The following GRID2 variants were observed in gnomAD, a reference collection of about 807,000 sequenced individuals.
GRID2 encodes the protein glutamate ionotropic receptor delta type subunit 2.
Under a neutral mutation model 114.8 loss-of-function variants are expected in GRID2, and 33 were observed. The ratio of observed to expected loss-of-function variants is 0.29; its 90% confidence interval spans 0.22 to 0.38. The LOEUF (loss-of-function observed/expected upper bound fraction) is 0.38. GRID2 is among the 10% of genes least tolerant of loss of function. The pLI is 1.00. For missense variants in GRID2, 1,184 were observed against 1,257.7 expected (o/e 0.94, Z 0.89); for synonymous variants, 505 against 449.9 (o/e 1.12, Z -1.55).
chr4:92,550,331 G>A (rs1003380645), intron 1 of GRID2, among the ~76,000 whole-genome samples: 12 of 152,028 alleles, frequency 7.9e-5, no homozygotes, highest in Non-Finnish European at 1.6e-4. Flanking sequence ...ATCTACAAAA[G>A]GAAAATGTTG....
At chr4:93,083,308 CTT>C (rs1183750281) in intron 2 of GRID2, among the ~76,000 whole-genome samples, 11 of 152,006 alleles carry the variant, frequency 7.2e-5, no homozygotes, top group East Asian at 1.9e-4. Context: ...TAAGTATACA[CTT>C]ATATTATTTT....
chr4:93,045,035 C>T (rs1725994169), intron 2 of GRID2, among the ~76,000 whole-genome samples: 1 of 152,046 alleles, frequency 6.6e-6, no homozygotes, highest in African/African-American at 2.4e-5. Context: ...ATCTAGCTCC[C>T]TGTGTTATAT....
chr4:93,377,440 A>C (rs1000537777), intron 8 of GRID2, among the ~76,000 whole-genome samples: 2 of 152,120 alleles, frequency 1.3e-5, no homozygotes, highest in Non-Finnish European at 2.9e-5. Context: ...TGAGGTTAGG[A>C]GAGCAGGCTC....
At chr4:92,342,583 G>A (rs1390907585) in intron 1 of GRID2, among the ~76,000 whole-genome samples, 1 of 152,154 alleles carries the variant, frequency 6.6e-6, no homozygotes, top group Admixed American at 6.6e-5. Flanking sequence ...TCAATAGAAA[G>A]GTGTTCTTGG....
chr4:92,588,130 A>G (rs1728537746), intron 1 of GRID2, among the ~76,000 whole-genome samples: 1 of 152,164 alleles, frequency 6.6e-6, no homozygotes, highest in Non-Finnish European at 1.5e-5. Context: ...GTAATGATTA[A>G]TCTAGATCTA....
At chr4:92,991,659 G>C (rs979534502) in intron 2 of GRID2, among the ~76,000 whole-genome samples, 2 of 152,138 alleles carry the variant, frequency 1.3e-5, no homozygotes, top group African/African-American at 4.8e-5. Flanking sequence ...CTACACATTT[G>C]TAGATCTGAG....
intron 13 of GRID2, among the ~76,000 whole-genome samples, chr4:93,542,771 A>G (rs970975393): frequency 6.6e-6 from 1 of 152,160 alleles, no homozygotes; most frequent in Non-Finnish European, 1.5e-5. Context: ...TTAGGGATGC[A>G]GAAAGACCTT....
rs1453576346 is a variant in GRID2, at chr4:92,894,652, T to G, written c.245-190343T>G. 5.3e-5 allele frequency among the ~76,000 whole-genome samples: 8 copies of G among 152,216 alleles called. No individual in the cohort carries two copies. The East Asian group carries it at 1.5e-3, about 29-fold the overall frequency. On this transcript the variant is annotated intron_variant, in intron 2 of 15. Transcript: ENST00000282020. ...TTGCTCAGACTTCATGATGAGTACT[T>G]AATTATGGGGAACACGTTTAAAAGA...
chr4:93,574,269 G>A (rs890053934), intron 13 of GRID2, among the ~76,000 whole-genome samples: 1 of 152,096 alleles, frequency 6.6e-6, no homozygotes, highest in African/African-American at 2.4e-5. Flanking sequence ...ACACATGCCA[G>A]AAAGCCTGTG....
chr4:92,994,110 A>G (rs905215128), intron 2 of GRID2, among the ~76,000 whole-genome samples: 4 of 152,164 alleles, frequency 2.6e-5, no homozygotes, highest in Non-Finnish European at 4.4e-5. Context: ...TTTGAAGGAC[A>G]TGGAAACCAA....
chr4:92,535,209 A>G (rs1397166716), intron 1 of GRID2, among the ~76,000 whole-genome samples: 2 of 152,196 alleles, frequency 1.3e-5, no homozygotes, highest in South Asian at 2.1e-4. Flanking sequence ...TTAAGAATCT[A>G]TATCTACAAT....
At chr4:92,313,552 A>G (rs749429570) in intron 1 of GRID2, among the ~76,000 whole-genome samples, 4 of 152,116 alleles carry the variant, frequency 2.6e-5, no homozygotes, top group Non-Finnish European at 5.9e-5. Flanking sequence ...GAGAGAGAAG[A>G]GTTCCAAGAC....
intron 4 of GRID2, among the ~76,000 whole-genome samples, chr4:93,153,603 C>T (rs774571969): frequency 3.9e-5 from 6 of 151,988 alleles, no homozygotes; most frequent in East Asian, 1.9e-4. Context: ...CATTCCAGGC[C>T]GGGACATAGC....
At chr4:93,035,540 T>A (rs1413690841) in intron 2 of GRID2, among the ~76,000 whole-genome samples, 1 of 152,160 alleles carries the variant, frequency 6.6e-6, no homozygotes, top group Non-Finnish European at 1.5e-5. Context: ...AAACTGAGCA[T>A]GGCTTCCCTT....
chr4:92,762,731 T>A (rs1738078926), intron 2 of GRID2, among the ~76,000 whole-genome samples: 1 of 152,220 alleles, frequency 6.6e-6, no homozygotes, highest in South Asian at 2.1e-4. Context: ...ATAAAGACTT[T>A]CCAAAGGAAT....
chr4:92,494,598 A>G (rs998037829), intron 1 of GRID2, among the ~76,000 whole-genome samples: 2 of 152,080 alleles, frequency 1.3e-5, no homozygotes, highest in Non-Finnish European at 2.9e-5. Flanking sequence ...GGTTACCAGG[A>G]TAACAAGTAC....
chr4:93,421,692 A>G (rs1377384157), intron 9 of GRID2, among the ~76,000 whole-genome samples: 2 of 152,120 alleles, frequency 1.3e-5, no homozygotes, highest in Non-Finnish European at 2.9e-5. Context: ...AATTTATCTC[A>G]TAGCAATTTT....
At chr4:92,423,425 C>T (rs950342661) in intron 1 of GRID2, among the ~76,000 whole-genome samples, 6 of 151,690 alleles carry the variant, frequency 4.0e-5, no homozygotes, top group South Asian at 2.1e-4. Flanking sequence ...TGAGGTGAAG[C>T]GAGGAGAGAT....
intron 1 of GRID2, among the ~76,000 whole-genome samples, chr4:92,517,877 T>C (rs1397185152): frequency 6.6e-6 from 1 of 151,730 alleles, no homozygotes; most frequent in Non-Finnish European, 1.5e-5. Context: ...CTATCAAAGA[T>C]GAACAATATT....
Sources: gnomAD v4.1 joint callset for allele counts (sites outside exome capture counted in the v4.1 genomes callset) on GRCh38, gnomAD v4.1.1 for gene constraint, MANE v1.5 for transcripts, NCBI Gene and HGNC (gene_info 2026-07-23, HGNC 2026-07-21) for gene names.